The following CDON variants were observed in gnomAD, a reference collection of about 807,000 sequenced individuals.
The protein encoded by CDON is cell adhesion associated, oncogene regulated.
CDON carries 73 observed loss-of-function variants against 120.9 expected under a neutral mutation model. The ratio of observed to expected loss-of-function variants is 0.60; its 90% CI spans 0.50 to 0.73. CDON has a LOEUF of 0.73. Ranked by LOEUF, CDON falls within the 30% of genes least tolerant of loss-of-function variation. The probability of loss-of-function intolerance (pLI) is 0.00; values close to 1 mark genes in which losing one functional copy is unlikely to be tolerated. For missense variants in CDON, 1,470 were observed against 1,587.3 expected, an observed-to-expected ratio of 0.93 and a Z score of 1.26; for synonymous variants, 566 against 573.5, an observed-to-expected ratio of 0.99 and a Z score of 0.19.
At chr11:126,005,646 G>T in intron 9 of CDON, 113 bp downstream of exon 9, 1 of 984,384 alleles carries the variant, frequency 1.0e-6, no homozygotes, top group Non-Finnish European at 1.6e-6. Context: ...TCATCAGTCT[G>T]GAAGACTCTT....
chr11:126,019,685 G>A lies in CDON; in HGVS notation c.430C>T (p.Pro144Ser), dbSNP rs1262743314. The change falls in exon 4 of 20, where the codon CCG (proline) becomes TCG (serine). Residue 144 changes from proline (P) to serine (S), a missense_variant. Physicochemically the swap from Pro to Ser is moderately conservative, Grantham distance 74. Coordinates refer to ENST00000531738, the MANE Select transcript of CDON (RefSeq NM_001378964.1). ...KSAGFIGCRV[P>S]ESNPKAEVRY... ...ACCTCAGCTTTGGGGTTACTCTCCG[G>A]TACCCTGCAGCCAATGAAACCAGCA... is the stretch of plus-strand genomic sequence containing the variant. The A allele has an allele frequency of 3.1e-6, 5 of 1,613,888 alleles. No homozygotes were observed. The highest frequency in any genetic ancestry group is 4.2e-6 in the Non-Finnish European group (5 of 1,179,960).
chr11:126,027,450 G>A (rs1947821672), intron 1 of CDON, among the ~76,000 whole-genome samples: 1 of 152,082 alleles, frequency 6.6e-6, no homozygotes, highest in African/African-American at 2.4e-5. Flanking sequence ...TTAGTGTTAT[G>A]GTTATTTAAC....
intron 1 of CDON, among the ~76,000 whole-genome samples, chr11:126,027,640 C>T (rs1026953521): frequency 4.6e-5 from 7 of 152,302 alleles, no homozygotes; most frequent in Admixed American, 1.3e-4. Flanking sequence ...CACAAGTCAG[C>T]GGCCTTAATG....
chr11:125,961,757 C>G lies in CDON; in HGVS notation c.3598G>C (p.Asp1200His), dbSNP rs765103665. 5.0e-6 allele frequency: 8 copies of G among 1,614,186 alleles called. No homozygotes were observed. Among genetic ancestry groups the G allele is most frequent in the Non-Finnish European group, 5.9e-6 (7 of 1,180,026 alleles). The part of the protein sequence containing the change: ...CQDIVNDVSS[D>H]GSEDPAEFSR... The stretch of plus-strand genomic sequence containing the variant: ...AACTCTGCTGGATCTTCTGAGCCAT[C>G]AGAGCTGACGTCATTTACAATGTCC... Residue 1200 changes from aspartate (D) to histidine (H), a missense_variant, in exon 19 of 20, where the codon GAT (aspartate) becomes CAT (histidine). Physicochemically the swap from Asp to His is moderately conservative, Grantham distance 81. Coordinates refer to ENST00000531738, the MANE Select transcript of CDON (RefSeq NM_001378964.1).
intron 1 of CDON, among the ~76,000 whole-genome samples, chr11:126,025,079 C>T (rs1341645568): frequency 1.3e-5 from 2 of 152,052 alleles, no homozygotes; most frequent in African/African-American, 2.4e-5. Context: ...GTGGCATGCA[C>T]CTGTAATCCC....
intron 14 of CDON, 30 bp from the exon 15 acceptor site, chr11:125,989,789 T>A (rs1946577672): frequency 6.3e-7 from 1 of 1,599,814 alleles, no homozygotes; most frequent in Non-Finnish European, 8.5e-7. Context: ...GCTTTACACA[T>A]CATACAGCCT....
chr11:126,027,449 T>C (rs559458100), intron 1 of CDON, among the ~76,000 whole-genome samples: 10 of 152,384 alleles, frequency 6.6e-5, no homozygotes, highest in South Asian at 4.1e-4. Flanking sequence ...ATTAGTGTTA[T>C]GGTTATTTAA....
chr11:126,010,629 CAA>C lies in CDON; in HGVS notation c.1262_1263del (p.Phe421CysfsTer19). The part of the protein sequence containing the change: ...PVSAKVADGD[F>X]VTLSCNASGL... ...CCACTGGCATTGCAGGACAGAGTAA[CAA>C]AGTCTCCGTCTGCAACCTTTGCACT... On this transcript the variant is annotated frameshift_variant, in exon 8 of 20. Coordinates refer to ENST00000531738, the MANE Select transcript of CDON (RefSeq NM_001378964.1). LOFTEE classifies it high-confidence loss of function. 6.2e-7 allele frequency: 1 copy of C among 1,614,190 alleles called. No homozygotes were observed. The highest frequency in any genetic ancestry group is 8.5e-7 in the Non-Finnish European group (1 of 1,180,016).
At chr11:126,007,301 A>T (rs1182676311) in intron 8 of CDON, among the ~76,000 whole-genome samples, 2 of 152,256 alleles carry the variant, frequency 1.3e-5, no homozygotes, top group Non-Finnish European at 2.9e-5. Flanking sequence ...CTGTTAGTTT[A>T]AAAGAGAGAA....
chr11:126,007,982 G>A (rs1323590609), intron 8 of CDON, among the ~76,000 whole-genome samples: 1 of 152,074 alleles, frequency 6.6e-6, no homozygotes. Flanking sequence ...ATGCAACTAC[G>A]GCAATGTAAA....
chr11:126,002,159 T>G (rs1265282713), intron 10 of CDON, among the ~76,000 whole-genome samples: 2 of 152,250 alleles, frequency 1.3e-5, no homozygotes, highest in East Asian at 1.9e-4. Context: ...TCCATTTTTC[T>G]TTTTACTGTA....
chr11:126,045,471 A>G (rs551847795), intron 1 of CDON, among the ~76,000 whole-genome samples: 1 of 152,358 alleles, frequency 6.6e-6, no homozygotes, highest in African/African-American at 2.4e-5. Context: ...ATCATTAAAC[A>G]TAACAATAGC....
intron 9 of CDON, chr11:126,005,555 A>G (rs969278899): frequency 1.7e-6 from 1 of 604,874 alleles, no homozygotes; most frequent in Non-Finnish European, 2.9e-6. Flanking sequence ...TAGAATTCCA[A>G]TTTGGGGGGA....
chr11:125,961,720 T>C lies in CDON; in HGVS notation c.3631+4A>G. On this transcript the variant is annotated splice_donor_region_variant and intron_variant, in intron 19 of 19. Coordinates refer to ENST00000531738, the MANE Select transcript of CDON (RefSeq NM_001378964.1). ...AATCCTAAGGTTGATCATGCCTTCC[T>C]GACCTCTGCTGAACTCTGCTGGATC... 6.2e-7 allele frequency: 1 copy of C among 1,614,196 alleles called. No individual in the cohort carries two copies. Among genetic ancestry groups the C allele is most frequent in the East Asian group, 2.2e-5 (1 of 44,888 alleles).
intron 9 of CDON, 49 bp downstream of exon 9, chr11:126,005,710 A>G (rs1052358128): frequency 7.1e-6 from 11 of 1,544,896 alleles, no homozygotes; most frequent in East Asian, 4.5e-5. Flanking sequence ...TGTTATACAA[A>G]GAACGTTCAG....
At chr11:126,055,518 A>G (rs534706758) in intron 1 of CDON, among the ~76,000 whole-genome samples, 1 of 152,328 alleles carries the variant, frequency 6.6e-6, no homozygotes, top group South Asian at 2.1e-4. Context: ...GTACATGGTT[A>G]AATATCTATG....
At chr11:126,008,527 A>T (rs897400912) in intron 8 of CDON, among the ~76,000 whole-genome samples, 13 of 152,228 alleles carry the variant, frequency 8.5e-5, no homozygotes, top group African/African-American at 3.1e-4. Flanking sequence ...TTCTAAAGTT[A>T]GTTCACATAA....
At chr11:126,004,549 T>C (rs1947058873) in intron 9 of CDON, 1 of 168,190 alleles carries the variant, frequency 5.9e-6, no homozygotes, top group Non-Finnish European at 1.3e-5. Flanking sequence ...TTGCTTCATG[T>C]CTTGACACTG....
At chr11:125,971,669 T>C (rs1035148170) in intron 18 of CDON, among the ~76,000 whole-genome samples, 19 of 152,194 alleles carry the variant, frequency 1.2e-4, no homozygotes, top group Non-Finnish European at 1.8e-4. Context: ...ATTATATAAT[T>C]TTTCCAAGCT....
Sources: gnomAD v4.1 joint callset for allele counts (sites outside exome capture counted in the v4.1 genomes callset) on GRCh38, gnomAD v4.1.1 for gene constraint, MANE v1.5 for transcripts, NCBI Gene and HGNC (gene_info 2026-07-23, HGNC 2026-07-21) for gene names.